Variants in PTPRK observed in about 807,000 individuals in gnomAD.
The protein encoded by PTPRK is receptor-type tyrosine-protein phosphatase kappa.
Under a neutral mutation model 178.0 loss-of-function variants are expected in PTPRK, and 75 were observed. The observed-to-expected ratio is 0.42, with a 90% CI of 0.35 to 0.51. The LOEUF is 0.51. Among genes scored for constraint, PTPRK ranks in the 20% least tolerant of loss-of-function variants. The pLI, the probability that PTPRK is intolerant of heterozygous loss-of-function variation, is 0.02. For synonymous variants in PTPRK, 637 were observed against 620.6 expected (o/e 1.03, Z -0.39); for missense variants, 1,441 against 1,797.8 (o/e 0.80, Z 3.59).
chr6:128,087,684 G>A (rs1215010984), intron 8 of PTPRK, among the ~76,000 whole-genome samples: 1 of 152,092 alleles, frequency 6.6e-6, no homozygotes, highest in African/African-American at 2.4e-5. Flanking sequence ...AAGTAATCAT[G>A]TTTGGTTACC....
intron 7 of PTPRK, among the ~76,000 whole-genome samples, chr6:128,109,124 C>T (rs139085431): frequency 6.6e-6 from 1 of 152,074 alleles, no homozygotes; most frequent in South Asian, 2.1e-4. Context: ...TTAATTTATA[C>T]TGTTAAAACA....
intron 6 of PTPRK, among the ~76,000 whole-genome samples, chr6:128,202,468 G>A (rs1428397591): frequency 1.3e-5 from 2 of 152,110 alleles, no homozygotes; most frequent in African/African-American, 2.4e-5. Flanking sequence ...CTCTGGACCC[G>A]GGATTCCCAG....
chr6:128,264,886 T>C (rs906383754), intron 3 of PTPRK, among the ~76,000 whole-genome samples: 1 of 152,146 alleles, frequency 6.6e-6, no homozygotes, highest in Non-Finnish European at 1.5e-5. Context: ...ATTTTTAAAA[T>C]GGGAATTTCC....
At chr6:128,131,753 A>C (rs1192725747) in intron 7 of PTPRK, among the ~76,000 whole-genome samples, 1 of 152,194 alleles carries the variant, frequency 6.6e-6, no homozygotes, top group Non-Finnish European at 1.5e-5. Context: ...TTTATACGAA[A>C]GCATGAATAA....
intron 3 of PTPRK, among the ~76,000 whole-genome samples, chr6:128,320,318 T>G (rs529616741): frequency 7.2e-5 from 11 of 152,184 alleles, no homozygotes; most frequent in Admixed American, 2.6e-4. Context: ...GATTCAAAGA[T>G]AGATCTTTAA....
chr6:128,096,257 CTT>C (rs1787887751), intron 7 of PTPRK, among the ~76,000 whole-genome samples: 1 of 152,038 alleles, frequency 6.6e-6, no homozygotes, highest in Non-Finnish European at 1.5e-5. Context: ...TGAAGAAGTA[CTT>C]AATAATTCTC....
intron 7 of PTPRK, among the ~76,000 whole-genome samples, chr6:128,156,529 C>T (rs1366442638): frequency 6.6e-6 from 1 of 151,826 alleles, no homozygotes; most frequent in Non-Finnish European, 1.5e-5. Flanking sequence ...TGCTTACAAG[C>T]AACCAGATCT....
chr6:128,120,070 ATGT>A (rs1792201845), intron 7 of PTPRK, among the ~76,000 whole-genome samples: 2 of 152,128 alleles, frequency 1.3e-5, no homozygotes, highest in South Asian at 2.1e-4. Flanking sequence ...ACTGAAAGAA[ATGT>A]TGTTAACTAA....
intron 7 of PTPRK, among the ~76,000 whole-genome samples, chr6:128,168,270 A>G (rs2114632953): frequency 6.6e-6 from 1 of 152,188 alleles, no homozygotes; most frequent in South Asian, 2.1e-4. Context: ...AAACAGCCCT[A>G]AGTGTTGGTG....
At chr6:128,103,668 T>C (rs1174628468) in intron 7 of PTPRK, among the ~76,000 whole-genome samples, 1 of 152,148 alleles carries the variant, frequency 6.6e-6, no homozygotes, top group Non-Finnish European at 1.5e-5. Flanking sequence ...CAGACAATTC[T>C]TTTTTTCCCC....
chr6:127,974,301 AT>A (rs1266834725), intron 27 of PTPRK, among the ~76,000 whole-genome samples: 1 of 152,156 alleles, frequency 6.6e-6, no homozygotes, highest in Non-Finnish European at 1.5e-5. Flanking sequence ...TAAAATCCAA[AT>A]TGTTGTCATG....
chr6:128,334,046 C>T (rs185418123), intron 2 of PTPRK, among the ~76,000 whole-genome samples: 95 of 152,200 alleles, frequency 6.2e-4, no homozygotes, highest in African/African-American at 2.1e-3. Context: ...GTAGGTGGAA[C>T]AGTCAGAATA....
rs529938991 is a variant in PTPRK, at chr6:128,107,423, T to C, written c.1163-17431A>G. On this transcript the variant is annotated intron_variant, in intron 7 of 29. Coordinates refer to ENST00000368226, the MANE Select transcript of PTPRK (RefSeq NM_002844.4). ...ACCAAGGCATAATGTATACCAGGAA[T>C]ACATATTTTAAAAATATTTTGAAAC... Among the ~76,000 whole-genome samples the C allele has an allele frequency of 5.3e-5, 8 of 152,252 alleles. No homozygotes were observed. The South Asian group carries it at 1.7e-3, about 32-fold the overall frequency.
At chr6:128,501,961 T>A (rs944621054) in intron 1 of PTPRK, among the ~76,000 whole-genome samples, 1 of 152,178 alleles carries the variant, frequency 6.6e-6, no homozygotes, top group South Asian at 2.1e-4. Context: ...TATAGCAGAA[T>A]TGGATGAAAA....
chr6:128,333,268 T>C (rs957673684), intron 2 of PTPRK, among the ~76,000 whole-genome samples: 3 of 152,160 alleles, frequency 2.0e-5, no homozygotes, highest in Admixed American at 6.5e-5. Flanking sequence ...TTCAACACTG[T>C]TAAACATTAA....
chr6:128,092,817 C>T (rs1046865847), intron 7 of PTPRK, among the ~76,000 whole-genome samples: 4 of 152,040 alleles, frequency 2.6e-5, no homozygotes, highest in Admixed American at 6.6e-5. Context: ...CATACCTAAC[C>T]AACAACTGCA....
intron 1 of PTPRK, among the ~76,000 whole-genome samples, chr6:128,405,833 G>A (rs1384999752): frequency 1.3e-5 from 2 of 152,008 alleles, no homozygotes; most frequent in Admixed American, 6.6e-5. Context: ...GACCTGCTTT[G>A]AGGGTTTGAA....
chr6:128,496,841 C>T (rs1055068985), intron 1 of PTPRK, among the ~76,000 whole-genome samples: 14 of 152,160 alleles, frequency 9.2e-5, no homozygotes, highest in Admixed American at 7.2e-4. Flanking sequence ...GAATTACTCT[C>T]ATAACACAAT....
chr6:128,294,455 G>A (rs865963407), intron 3 of PTPRK, among the ~76,000 whole-genome samples: 128 of 152,068 alleles, frequency 8.4e-4, no homozygotes, highest in African/African-American at 3.0e-3. Context: ...GAATTACCAA[G>A]CTGGTCTTCT....
Sources: allele counts gnomAD v4.1 joint callset (sites outside exome capture counted in the v4.1 genomes callset), GRCh38; gene constraint gnomAD v4.1.1; transcripts MANE v1.5; gene names NCBI Gene and HGNC (gene_info 2026-07-23, HGNC 2026-07-21).